SPECC1: variants seen among roughly 807,000 people sequenced by gnomAD.
SPECC1 encodes the protein sperm antigen with calponin homology and coiled-coil domains 1.
A neutral mutation model predicts 104.1 loss-of-function variants in SPECC1; 62 were observed. The ratio of observed to expected loss-of-function variants is 0.60; its 90% confidence interval spans 0.49 to 0.74. The LOEUF is 0.74. Among genes scored for constraint, SPECC1 ranks in the 30% least tolerant of loss-of-function variants. The pLI is 0.00. For missense variants in SPECC1, 1,306 were observed against 1,310.5 expected (o/e 1.00, Z 0.05); for synonymous variants, 513 against 501.6 (o/e 1.02, Z -0.30).
At chr17:20,288,845 G>A (rs1310037119) in intron 12 of SPECC1, among the ~76,000 whole-genome samples, 2 of 147,948 alleles carry the variant, frequency 1.4e-5, no homozygotes, top group Non-Finnish European at 3.0e-5. Flanking sequence ...GTGCAGTGGT[G>A]CGATCTCGGC....
At chr17:20,175,659 T>G (rs569328043) in intron 3 of SPECC1, among the ~76,000 whole-genome samples, 1 of 152,368 alleles carries the variant, frequency 6.6e-6, no homozygotes, top group South Asian at 2.1e-4. Flanking sequence ...AACATCTTAC[T>G]GAAAATTGGT....
chr17:20,166,596 TAAAG>T (rs1325851978), intron 3 of SPECC1, among the ~76,000 whole-genome samples: 2 of 151,700 alleles, frequency 1.3e-5, no homozygotes, highest in East Asian at 1.9e-4. Context: ...TATCAAAAAA[TAAAG>T]AATGAAAATT....
Position 20,317,955 on chromosome 17 carries a change from CAG to C in SPECC1, c.*3893_*3894del, listed in dbSNP as rs2042060318. The C allele has an allele frequency of 4.4e-6, 1 of 226,252 alleles. No individual in the cohort carries two copies. Among genetic ancestry groups the C allele is most frequent in the Non-Finnish European group, 8.8e-6 (1 of 113,822 alleles). 14.0% of individuals were successfully genotyped at this position (226,252 alleles called of 1,614,324 possible). A position where few individuals can be genotyped will look rare whatever the true frequency, so the allele number is the denominator to read the frequency against. On this transcript the variant is annotated 3_prime_UTR_variant, in exon 15 of 15. Coordinates refer to ENST00000395527, the MANE Select transcript of SPECC1 (RefSeq NM_001243439.2). ...GTAGGGTTTTTAGGTCTGTTTTTAA[CAG>C]AGCTCAGAGCACCAGGTGAAGGTGG...
intron 1 of SPECC1, among the ~76,000 whole-genome samples, chr17:20,015,608 G>T: frequency 2.1e-5 from 1 of 47,816 alleles, no homozygotes; most frequent in Non-Finnish European, 5.6e-5. Flanking sequence ...TTTTTGAGGT[G>T]GAGTCTCGCT....
At chr17:20,311,101 G>GTT (rs58086529) in intron 14 of SPECC1, among the ~76,000 whole-genome samples, 8 of 94,146 alleles carry the variant, frequency 8.5e-5, no homozygotes, top group Non-Finnish European at 1.3e-4. Flanking sequence ...CCTTAGTGGG[G>GTT]TTTTTTTTTT....
intron 12 of SPECC1, among the ~76,000 whole-genome samples, chr17:20,280,297 A>G (rs565052480): frequency 6.6e-6 from 1 of 152,300 alleles, no homozygotes; most frequent in Non-Finnish European, 1.5e-5. Flanking sequence ...CTTGACCACA[A>G]TCTCATGAGT....
Position 20,317,735 on chromosome 17 carries a change from CAA to C in SPECC1, c.*3677_*3678del, listed in dbSNP as rs976928370. 3.6e-4 allele frequency: 78 copies of C among 215,250 alleles called. No homozygotes were observed. The highest frequency in any genetic ancestry group is 6.3e-4 in the East Asian group (9 of 14,208). 13.3% of individuals were successfully genotyped at this position (215,250 alleles called of 1,614,324 possible). ...AGCAAGACCCTGTCACACACACACA[CAA>C]AAAAAAGAAATACAGGTGGTGTTTT... On this transcript the variant is annotated 3_prime_UTR_variant, in exon 15 of 15. Coordinates refer to ENST00000395527, the MANE Select transcript of SPECC1 (RefSeq NM_001243439.2).
At chr17:20,029,853 T>G (rs1411842234) in intron 1 of SPECC1, among the ~76,000 whole-genome samples, 1 of 152,194 alleles carries the variant, frequency 6.6e-6, no homozygotes, top group Non-Finnish European at 1.5e-5. Context: ...AAGAACTAGC[T>G]TTTGGTTTTA....
chr17:20,227,837 C>T (rs576908423), intron 5 of SPECC1, among the ~76,000 whole-genome samples: 3 of 152,244 alleles, frequency 2.0e-5, no homozygotes, highest in South Asian at 2.1e-4. Flanking sequence ...ATCACTTGAA[C>T]GCAGGAGGCG....
intron 11 of SPECC1, among the ~76,000 whole-genome samples, chr17:20,258,228 A>G (rs2039902643): frequency 6.6e-6 from 1 of 152,228 alleles, no homozygotes; most frequent in African/African-American, 2.4e-5. Context: ...TTCATCAGAA[A>G]ACAGTGGTAT....
chr17:20,301,209 A>G (rs2041566780), intron 13 of SPECC1, among the ~76,000 whole-genome samples: 1 of 152,140 alleles, frequency 6.6e-6, no homozygotes, highest in South Asian at 2.1e-4. Flanking sequence ...TACCATATAA[A>G]ACTGAGCACA....
At chr17:20,015,506 T>G (rs2044084061) in intron 1 of SPECC1, among the ~76,000 whole-genome samples, 1 of 151,944 alleles carries the variant, frequency 6.6e-6, no homozygotes, top group African/African-American at 2.4e-5. Context: ...ATATTTAGAT[T>G]TGTTCCGTCA....
intron 3 of SPECC1, among the ~76,000 whole-genome samples, chr17:20,145,734 T>TC (rs1355553685): frequency 2.0e-5 from 3 of 152,120 alleles, no homozygotes; most frequent in Admixed American, 1.3e-4. Context: ...GATCTACTAC[T>TC]CAGCTAAGAA....
At chr17:20,045,151 A>T (rs755205526) in intron 1 of SPECC1, among the ~76,000 whole-genome samples, 2 of 152,166 alleles carry the variant, frequency 1.3e-5, no homozygotes, top group African/African-American at 2.4e-5. Flanking sequence ...TTCTGTGCAC[A>T]CACTAGATTT....
At chr17:20,069,614 A>T (rs979613621) in intron 1 of SPECC1, among the ~76,000 whole-genome samples, 1 of 152,100 alleles carries the variant, frequency 6.6e-6, no homozygotes, top group Non-Finnish European at 1.5e-5. Context: ...GAATTGTCCT[A>T]GCATCCTTGT....
intron 3 of SPECC1, among the ~76,000 whole-genome samples, chr17:20,196,230 A>G (rs531267864): frequency 1.1e-4 from 16 of 152,340 alleles, no homozygotes; most frequent in South Asian, 2.1e-4. Flanking sequence ...AGGTAAAACT[A>G]TTTCTTCAAT....
chr17:20,012,240 G>A lies in SPECC1; in HGVS notation c.-22+2816G>A, dbSNP rs115011436. On this transcript the variant is annotated intron_variant, in intron 1 of 14. Transcript: ENST00000395527. ...TGTTCCCTGAACTCTTAGTATATTG[G>A]GTATACAGTTCTATATTAATCTCAA... 6.5e-3 allele frequency among the ~76,000 whole-genome samples: 984 copies of A among 151,974 alleles called. 11 individuals are homozygous for A. Among genetic ancestry groups the A allele is most frequent in the African/African-American group, 0.022 (933 of 41,482 alleles).
chr17:20,056,851 T>C (rs1001913641), intron 1 of SPECC1, among the ~76,000 whole-genome samples: 2 of 152,204 alleles, frequency 1.3e-5, no homozygotes, highest in Non-Finnish European at 2.9e-5. Context: ...TTAATTATAC[T>C]TGTTTTATAT....
At chr17:20,149,865 C>T (rs2031824565) in intron 3 of SPECC1, among the ~76,000 whole-genome samples, 2 of 152,188 alleles carry the variant, frequency 1.3e-5, no homozygotes, top group South Asian at 2.1e-4. Flanking sequence ...TTTTATAAAT[C>T]GAAATATATA....
Sources: allele counts gnomAD v4.1 joint callset (sites outside exome capture counted in the v4.1 genomes callset), GRCh38; gene constraint gnomAD v4.1.1; transcripts MANE v1.5; gene names NCBI Gene and HGNC (gene_info 2026-07-23, HGNC 2026-07-21).